ZDHHC17: variants seen among roughly 807,000 people sequenced by gnomAD.
The protein encoded by ZDHHC17 is palmitoyltransferase ZDHHC17.
In ZDHHC17, 40 loss-of-function variants were observed where a neutral mutation model predicts 90.3. That is an observed-to-expected ratio of 0.44 (90% CI 0.34 to 0.58). The LOEUF (loss-of-function observed/expected upper bound fraction) is 0.58. Among genes scored for constraint, ZDHHC17 ranks in the 20% least tolerant of loss-of-function variants. The pLI is 0.01. For missense variants in ZDHHC17, 614 were observed against 780.8 expected (o/e 0.79, Z 2.55); for synonymous variants, 235 against 252.4 (o/e 0.93, Z 0.65).
chr12:76,781,306 C>G (rs1167276351), intron 1 of ZDHHC17, among the ~76,000 whole-genome samples: 6 of 152,010 alleles, frequency 3.9e-5, no homozygotes, highest in African/African-American at 7.3e-5. Flanking sequence ...CAGATGAGAC[C>G]CATATAAGAT....
intron 2 of ZDHHC17, among the ~76,000 whole-genome samples, chr12:76,798,729 A>C (rs565460483): frequency 6.6e-6 from 1 of 152,282 alleles, no homozygotes; most frequent in South Asian, 2.1e-4. Context: ...CTTTACAATC[A>C]TGGTGGGAGG....
chr12:76,795,505 G>A (rs1231096322), intron 1 of ZDHHC17, among the ~76,000 whole-genome samples: 1 of 152,094 alleles, frequency 6.6e-6, no homozygotes, highest in Non-Finnish European at 1.5e-5. Context: ...CAGCCATATA[G>A]ATGTCAAAGT....
intron 3 of ZDHHC17, 46 bp downstream of exon 3, chr12:76,805,485 G>T: frequency 2.2e-6 from 3 of 1,351,344 alleles, no homozygotes; most frequent in East Asian, 2.6e-5. Context: ...GACTTTTTAT[G>T]GTTATAAAAT....
At chr12:76,769,144 A>G (rs919816944) in intron 1 of ZDHHC17, 12 of 363,474 alleles carry the variant, frequency 3.3e-5, no homozygotes, top group African/African-American at 2.6e-4. Context: ...CTGCAACCTC[A>G]GCCTCCTGCG....
chr12:76,795,586 A>G (rs1326636829), intron 1 of ZDHHC17, among the ~76,000 whole-genome samples: 3 of 148,872 alleles, frequency 2.0e-5, no homozygotes, highest in Admixed American at 1.3e-4. Flanking sequence ...TAGAAATAAG[A>G]AAGTGTTACT....
chr12:76,775,149 C>G (rs1952544797), intron 1 of ZDHHC17, among the ~76,000 whole-genome samples: 1 of 152,178 alleles, frequency 6.6e-6, no homozygotes, highest in Non-Finnish European at 1.5e-5. Flanking sequence ...CAATTGTACA[C>G]CTGCTGCCCC....
intron 3 of ZDHHC17, among the ~76,000 whole-genome samples, chr12:76,808,373 G>A (rs1286616603): frequency 6.6e-6 from 1 of 152,154 alleles, no homozygotes; most frequent in African/African-American, 2.4e-5. Flanking sequence ...GCTCACTCCT[G>A]TAATCCCAGC....
At chr12:76,791,292 T>C (rs1368431669) in intron 1 of ZDHHC17, among the ~76,000 whole-genome samples, 1 of 152,196 alleles carries the variant, frequency 6.6e-6, no homozygotes, top group Non-Finnish European at 1.5e-5. Context: ...TATGCCCTCT[T>C]TTTATTATGA....
At chr12:76,806,531 C>G (rs1241309272) in intron 3 of ZDHHC17, among the ~76,000 whole-genome samples, 1 of 152,098 alleles carries the variant, frequency 6.6e-6, no homozygotes, top group Non-Finnish European at 1.5e-5. Context: ...GCCACCATGC[C>G]CAGCTAATTT....
chr12:76,807,458 T>TA (rs1249250306), intron 3 of ZDHHC17, among the ~76,000 whole-genome samples: 2 of 152,204 alleles, frequency 1.3e-5, no homozygotes, highest in Non-Finnish European at 2.9e-5. Context: ...CATTGTTTGA[T>TA]AAAACCTTCT....
intron 10 of ZDHHC17, among the ~76,000 whole-genome samples, chr12:76,832,141 G>A (rs1953310050): frequency 6.6e-6 from 1 of 152,190 alleles, no homozygotes; most frequent in Admixed American, 6.5e-5. Context: ...AGAAGCTTAA[G>A]AAACCTTTAG....
intron 1 of ZDHHC17, among the ~76,000 whole-genome samples, chr12:76,773,167 A>T (rs1037429244): frequency 1.3e-5 from 2 of 152,112 alleles, no homozygotes; most frequent in East Asian, 3.9e-4. Context: ...GAGGTTCTTA[A>T]CACTTGTAAG....
At chr12:76,823,554 A>G (rs974767581) in intron 8 of ZDHHC17, among the ~76,000 whole-genome samples, 9 of 152,226 alleles carry the variant, frequency 5.9e-5, no homozygotes, top group African/African-American at 1.9e-4. Context: ...CTAACTTGTC[A>G]GTAATCACAA....
intron 7 of ZDHHC17, among the ~76,000 whole-genome samples, chr12:76,816,778 A>G (rs1433604823): frequency 6.6e-6 from 1 of 152,064 alleles, no homozygotes; most frequent in Non-Finnish European, 1.5e-5. Flanking sequence ...CTTCTAAAAT[A>G]AAATAGTTTA....
chr12:76,800,885 C>CTTT (rs71085458), intron 2 of ZDHHC17, among the ~76,000 whole-genome samples: 17,872 of 107,776 alleles, frequency 0.17, 1,988 homozygotes, highest in East Asian at 0.53. Flanking sequence ...TTTGCCATTT[C>CTTT]TTTTTTTTTT....
chr12:76,792,644 C>A (rs1952772230), intron 1 of ZDHHC17, among the ~76,000 whole-genome samples: 2 of 151,828 alleles, frequency 1.3e-5, no homozygotes, highest in African/African-American at 4.8e-5. Flanking sequence ...CTCTTCAAAG[C>A]CAGGACTATT....
intron 7 of ZDHHC17, among the ~76,000 whole-genome samples, chr12:76,822,108 G>A (rs1190090128): frequency 3.9e-5 from 6 of 152,112 alleles, no homozygotes; most frequent in Non-Finnish European, 8.8e-5. Flanking sequence ...GATAAACTTA[G>A]TGATAGCCTC....
rs1172185126 is a variant in ZDHHC17, at chr12:76,764,285, G to A, written c.49G>A (p.Glu17Lys). ...FNTKMADGPD[E>K]YDTEAGCVPL... ...CACCAAGATGGCGGACGGCCCGGAT[G>A]AGTACGATACCGAAGCGGGCTGTGT... The change falls in exon 1 of 17, where the codon GAG becomes AAG. Residue 17 changes from glutamate (E) to lysine (K), a missense_variant. By Grantham distance (56) the Glu-to-Lys change is moderately conservative (BLOSUM62 1). Around this residue, in one of 5 missense-constraint regions of ZDHHC17, gnomAD observed 358 missense variants for 380.4 expected, o/e 0.94. Transcript: ENST00000426126. The A allele has an allele frequency of 6.2e-7, 1 of 1,607,660 alleles. No homozygotes were observed. Among genetic ancestry groups the A allele is most frequent in the South Asian group, 1.1e-5 (1 of 89,462 alleles).
rs1379686707 is a variant in ZDHHC17, at chr12:76,764,294, A to G, written c.58A>G (p.Thr20Ala). ...GGCGGACGGCCCGGATGAGTACGATACCGAAGCGGGCTGTGTGCCCCTTCT... is the reference window on the plus strand; with the variant it reads ...GGCGGACGGCCCGGATGAGTACGATGCCGAAGCGGGCTGTGTGCCCCTTCT... ...KMADGPDEYD[T>A]EAGCVPLLHP... is the part of the protein sequence containing the mutation. The change falls in exon 1 of 17, where the codon ACC (threonine) becomes GCC (alanine). Residue 20 changes from threonine (T) to alanine (A), a missense_variant. Thr to Ala is a moderately conservative substitution (Grantham distance 58, BLOSUM62 0). Transcript: ENST00000426126. 4.4e-6 allele frequency: 7 copies of G among 1,606,598 alleles called. No homozygotes were observed. Among genetic ancestry groups the G allele is most frequent in the South Asian group, 1.1e-5 (1 of 89,314 alleles).
Sources: gnomAD v4.1 joint callset for allele counts (sites outside exome capture counted in the v4.1 genomes callset) on GRCh38, gnomAD v4.1.1 for gene constraint, gnomAD v4.1.1 regional missense constraint, MANE v1.5 for transcripts, NCBI Gene and HGNC (gene_info 2026-07-23, HGNC 2026-07-21) for gene names.